KCNT2: variants seen among roughly 807,000 people sequenced by gnomAD.
KCNT2 encodes potassium channel subfamily T member 2.
KCNT2 carries 67 observed loss-of-function variants against 153.8 expected under a neutral mutation model. The observed-to-expected ratio is 0.44, with a 90% CI of 0.36 to 0.53. KCNT2 has a LOEUF of 0.53. Ranked by LOEUF, KCNT2 falls within the 20% of genes least tolerant of loss-of-function variation. The pLI, the probability that KCNT2 is intolerant of heterozygous loss-of-function variation, is 0.00. For synonymous variants in KCNT2, 500 were observed against 458.8 expected (o/e 1.09, Z -1.15); for missense variants, 975 against 1,354.8 (o/e 0.72, Z 4.40).
chr1:196,342,039 C>G, intron 15 of KCNT2, 40 bp downstream of exon 15: 4 of 1,586,886 alleles, frequency 2.5e-6, no homozygotes, highest in Non-Finnish European at 3.4e-6. Context: ...ATATGCTTGA[C>G]TGATTGATAT....
intron 8 of KCNT2, among the ~76,000 whole-genome samples, chr1:196,453,588 T>C (rs181948442): frequency 6.6e-6 from 1 of 151,980 alleles, no homozygotes; most frequent in Non-Finnish European, 1.5e-5. Context: ...ATTGTTGTTT[T>C]AATGTTTTCA....
In KCNT2 at chr1:196,442,057, T is replaced by A. The variant is rs951041724; in HGVS notation, c.639-12300A>T. On this transcript the variant is annotated intron_variant, in intron 8 of 27. Coordinates refer to ENST00000294725, the MANE Select transcript of KCNT2 (RefSeq NM_198503.5). ...TAGTACAGTCAATAATCAAGAAAAA[T>A]CATCACTTTCGTCTGGAAACTCCAA... Among the ~76,000 whole-genome samples the A allele has an allele frequency of 7.2e-5, 11 of 151,760 alleles. No individual in the cohort carries two copies. In the South Asian group the frequency reaches 8.3e-4, roughly 11 times the overall value.
At chr1:196,440,421 T>C (rs953526201) in intron 8 of KCNT2, among the ~76,000 whole-genome samples, 3 of 152,014 alleles carry the variant, frequency 2.0e-5, no homozygotes, top group Admixed American at 6.6e-5. Flanking sequence ...CACTAATATT[T>C]ATTGTGTATC....
intron 26 of KCNT2, among the ~76,000 whole-genome samples, chr1:196,253,511 T>G (rs1656176841): frequency 6.6e-6 from 1 of 151,594 alleles, no homozygotes; most frequent in South Asian, 2.1e-4. Context: ...CCGAATCTGT[T>G]TCTGTTGATT....
chr1:196,543,108 T>C (rs1283487810), intron 1 of KCNT2, among the ~76,000 whole-genome samples: 2 of 152,126 alleles, frequency 1.3e-5, no homozygotes, highest in African/African-American at 2.4e-5. Flanking sequence ...ATTTAAAATA[T>C]AGTTGTGGTA....
chr1:196,321,314 T>C (rs1164789973), intron 19 of KCNT2, among the ~76,000 whole-genome samples: 1 of 151,886 alleles, frequency 6.6e-6, no homozygotes, highest in Non-Finnish European at 1.5e-5. Context: ...AACACTGGGC[T>C]GTTGCGGTGA....
chr1:196,604,780 ATAC>A (rs1315830898), intron 1 of KCNT2, among the ~76,000 whole-genome samples: 2 of 151,812 alleles, frequency 1.3e-5, no homozygotes, highest in Non-Finnish European at 2.9e-5. Context: ...CAATTTTAGC[ATAC>A]AATATACAAT....
intron 1 of KCNT2, among the ~76,000 whole-genome samples, chr1:196,529,453 C>T (rs183559081): frequency 7.2e-5 from 11 of 152,126 alleles, no homozygotes; most frequent in East Asian, 1.9e-4. Flanking sequence ...AATGTGGATC[C>T]GCAAGGAACT....
At chr1:196,602,163 A>G (rs1664795024) in intron 1 of KCNT2, among the ~76,000 whole-genome samples, 1 of 152,210 alleles carries the variant, frequency 6.6e-6, no homozygotes, top group Non-Finnish European at 1.5e-5. Flanking sequence ...AGAAAAAGAC[A>G]TCTCAATGAA....
intron 4 of KCNT2, among the ~76,000 whole-genome samples, chr1:196,480,907 A>C (rs112783838): frequency 0.015 from 2,313 of 151,028 alleles, 53 homozygotes; most frequent in South Asian, 0.069. Flanking sequence ...GTATTTTCAA[A>C]TATCACTGTT....
intron 1 of KCNT2, among the ~76,000 whole-genome samples, chr1:196,573,692 G>A (rs1439224043): frequency 6.6e-6 from 1 of 151,984 alleles, no homozygotes; most frequent in Non-Finnish European, 1.5e-5. Context: ...AGAGAAAGAG[G>A]AGGGAAGGAA....
chr1:196,319,812 A>C (rs1404651462), intron 19 of KCNT2, among the ~76,000 whole-genome samples: 1 of 151,846 alleles, frequency 6.6e-6, no homozygotes, highest in Non-Finnish European at 1.5e-5. Context: ...GCATAATTCT[A>C]CAAAAATACA....
At chr1:196,351,135 C>T (rs1034338750) in intron 14 of KCNT2, among the ~76,000 whole-genome samples, 4 of 152,072 alleles carry the variant, frequency 2.6e-5, no homozygotes, top group African/African-American at 7.2e-5. Context: ...AGTTAGGTAG[C>T]GTGATGCCTC....
intron 25 of KCNT2, among the ~76,000 whole-genome samples, chr1:196,279,415 T>TA (rs1027106814): frequency 1.4e-4 from 21 of 151,588 alleles, no homozygotes; most frequent in African/African-American, 4.4e-4. Flanking sequence ...AAAACTCCAT[T>TA]AAAAAATTTT....
intron 1 of KCNT2, among the ~76,000 whole-genome samples, chr1:196,557,565 T>C (rs1456988043): frequency 6.7e-6 from 1 of 148,728 alleles, no homozygotes; most frequent in African/African-American, 2.4e-5. Flanking sequence ...AGATCTCGTG[T>C]AGAAAAAAAA....
intron 8 of KCNT2, among the ~76,000 whole-genome samples, chr1:196,459,586 A>G (rs1163791082): frequency 6.6e-6 from 1 of 151,874 alleles, no homozygotes; most frequent in Non-Finnish European, 1.5e-5. Flanking sequence ...CTCTGTTGAT[A>G]AAATGTCAAG....
chr1:196,373,935 A>G (rs1490416058), intron 13 of KCNT2, among the ~76,000 whole-genome samples: 1 of 151,862 alleles, frequency 6.6e-6, no homozygotes, highest in Admixed American at 6.6e-5. Flanking sequence ...TAAAAATAAT[A>G]GTGCTAGAAA....
intron 5 of KCNT2, among the ~76,000 whole-genome samples, chr1:196,474,248 A>G (rs996243124): frequency 6.6e-6 from 1 of 152,158 alleles, no homozygotes; most frequent in African/African-American, 2.4e-5. Flanking sequence ...AAATTATATT[A>G]GTTATAGCAG....
intron 12 of KCNT2, among the ~76,000 whole-genome samples, chr1:196,401,037 G>C (rs1354685066): frequency 6.6e-6 from 1 of 151,764 alleles, no homozygotes; most frequent in Non-Finnish European, 1.5e-5. Flanking sequence ...GGAAAAGGGA[G>C]AGGCAACAAA....
Sources: allele counts gnomAD v4.1 joint callset (sites outside exome capture counted in the v4.1 genomes callset), GRCh38; gene constraint gnomAD v4.1.1; transcripts MANE v1.5; gene names NCBI Gene and HGNC (gene_info 2026-07-23, HGNC 2026-07-21).